Variants in EPHX1 observed in about 807,000 individuals in gnomAD.
EPHX1 encodes the protein epoxide hydrolase 1.
A neutral mutation model predicts 43.2 loss-of-function variants in EPHX1; 40 were observed. The observed-to-expected ratio is 0.93, with a 90% confidence interval of 0.72 to 1.21. The LOEUF (loss-of-function observed/expected upper bound fraction) is 1.21, where lower values mean the gene tolerates loss of function less well. Among genes scored for constraint, EPHX1 ranks in the 50% most tolerant of loss-of-function variants. The probability of loss-of-function intolerance (pLI) is 0.00; values close to 1 mark genes in which losing one functional copy is unlikely to be tolerated. For synonymous variants in EPHX1, 221 were observed against 226.7 expected, an observed-to-expected ratio of 0.98 and a Z score of 0.22; for missense variants, 550 against 570.4, an observed-to-expected ratio of 0.96 and a Z score of 0.36.
rs80119745 is a variant in EPHX1, at chr1:225,838,651, C to A, written c.365-3C>A. 1,007 of 1,613,460 alleles carry A rather than the reference C, an allele frequency of 6.2e-4. 2 individuals are homozygous for A. In the African/African-American group the frequency reaches 0.012, roughly 20 times the overall value. ...CCACCCTGACTGTGCTCTGTCCCCC[C>A]AGGGCTGGACATCCACTTCATCCAC... On this transcript the variant is annotated splice_region_variant and splice_polypyrimidine_tract_variant and intron_variant, in intron 3 of 8. Coordinates refer to ENST00000272167, the MANE Select transcript of EPHX1 (RefSeq NM_001136018.4).
At chr1:225,840,064 A>G (rs1357677048) in intron 6 of EPHX1, 27 bp downstream of exon 6, 2 of 1,611,694 alleles carry the variant, frequency 1.2e-6, no homozygotes, top group Admixed American at 1.7e-5. Flanking sequence ...GTCCTCGCCC[A>G]CTGCCGGCTC....
chr1:225,839,005 G>A, intron 4 of EPHX1, 124 bp downstream of exon 4: 1 of 1,352,848 alleles, frequency 7.4e-7, no homozygotes, highest in Admixed American at 1.9e-5. Flanking sequence ...GGGAAAGGAG[G>A]GGCCTGAGAG....
chr1:225,833,534 G>T (rs919614668), intron 3 of EPHX1, among the ~76,000 whole-genome samples: 1 of 152,098 alleles, frequency 6.6e-6, no homozygotes, highest in East Asian at 1.9e-4. Flanking sequence ...GGTGGCGCAC[G>T]CCTGTAATCC....
At chr1:225,822,135 A>G (rs868603778) in intron 1 of EPHX1, among the ~76,000 whole-genome samples, 1 of 152,192 alleles carries the variant, frequency 6.6e-6, no homozygotes, top group Non-Finnish European at 1.5e-5. Flanking sequence ...ATTAAAATGT[A>G]TGCAATCCCA....
At position 225,821,466 on chromosome 1, in the gene EPHX1, G is replaced by A. The variant is rs893821747; in HGVS notation, c.-5-7259G>A. Among the ~76,000 whole-genome samples, 10 of 151,074 alleles carry A rather than the reference G, an allele frequency of 6.6e-5. No individual in the cohort carries two copies. The East Asian group carries it at 1.4e-3, about 21-fold the overall frequency. ...TCACCATGTTGGCCAGGCTGGTCACGAACTCCTGACCTAAAGTGATCTGCT... is the reference window on the plus strand; with the variant it reads ...TCACCATGTTGGCCAGGCTGGTCACAAACTCCTGACCTAAAGTGATCTGCT... On this transcript the variant is annotated intron_variant, in intron 1 of 8. Coordinates refer to ENST00000272167, the MANE Select transcript of EPHX1 (RefSeq NM_001136018.4).
chr1:225,833,812 A>AAC (rs1667767318), intron 3 of EPHX1, among the ~76,000 whole-genome samples: 2 of 127,224 alleles, frequency 1.6e-5, no homozygotes, highest in Non-Finnish European at 3.3e-5. Flanking sequence ...AAAAAAAAAA[A>AAC]ACAGGCTGGG....
intron 1 of EPHX1, chr1:225,825,463 T>C (rs1230816024): frequency 1.3e-5 from 2 of 152,202 alleles, no homozygotes; most frequent in African/African-American, 4.8e-5. Context: ...CACTGGGATC[T>C]TTCTGCCCAG....
At chr1:225,836,658 G>GA (rs1667984062) in intron 3 of EPHX1, among the ~76,000 whole-genome samples, 1 of 152,156 alleles carries the variant, frequency 6.6e-6, no homozygotes, top group Non-Finnish European at 1.5e-5. Flanking sequence ...TAAACTCTGA[G>GA]GAAATAATGC....
chr1:225,812,662 C>G (rs1187620325), intron 1 of EPHX1, among the ~76,000 whole-genome samples: 1 of 152,226 alleles, frequency 6.6e-6, no homozygotes, highest in Non-Finnish European at 1.5e-5. Flanking sequence ...CAGGCCCAGA[C>G]ATGTGAAAGC....
Position 225,838,665 on chromosome 1 carries a change from C to T in EPHX1, c.376C>T (p.His126Tyr), listed in dbSNP as rs1359501001. 6.2e-7 allele frequency: 1 copy of T among 1,613,852 alleles called. No individual in the cohort carries two copies. Among genetic ancestry groups the T allele is most frequent in the East Asian group, 2.2e-5 (1 of 44,884 alleles). ...FKTKIEGLDI[H>Y]FIHVKPPQLP... ...CTCTGTCCCCCCAGGGCTGGACATC[C>T]ACTTCATCCACGTGAAGCCCCCCCA... The change falls in exon 4 of 9, where the codon CAC becomes TAC. Residue 126 changes from histidine to tyrosine, a missense_variant. Physicochemically the swap from His to Tyr is moderately conservative, Grantham distance 83 (BLOSUM62 2). Coordinates refer to ENST00000272167, the MANE Select transcript of EPHX1 (RefSeq NM_001136018.4).
chr1:225,839,393 G>GTGTGTGTA, intron 5 of EPHX1, 47 bp downstream of exon 5: 1 of 1,607,778 alleles, frequency 6.2e-7, no homozygotes, highest in Non-Finnish European at 8.5e-7. Flanking sequence ...GTGTGTGTGT[G>GTGTGTGTA]TGTGTGTGTC....
chr1:225,831,535 AGAC>A (rs1281920045), intron 2 of EPHX1, among the ~76,000 whole-genome samples: 1 of 145,942 alleles, frequency 6.9e-6, no homozygotes, highest in Non-Finnish European at 1.5e-5. Flanking sequence ...CAACAGAGTG[AGAC>A]CCTATCTCAA....
intron 1 of EPHX1, among the ~76,000 whole-genome samples, chr1:225,820,838 G>A (rs573100761): frequency 1.3e-5 from 2 of 152,092 alleles, no homozygotes; most frequent in East Asian, 1.9e-4. Flanking sequence ...TCTATAACTG[G>A]AAGGGTGTTT....
chr1:225,838,555 G>C, intron 3 of EPHX1, 99 bp from the exon 4 acceptor site: 1 of 1,026,176 alleles, frequency 9.7e-7, no homozygotes, highest in Non-Finnish European at 1.5e-6. Flanking sequence ...GGGGCACTAA[G>C]GGTGGCAGGA....
chr1:225,826,070 G>A (rs536729667), intron 1 of EPHX1, among the ~76,000 whole-genome samples: 2 of 152,268 alleles, frequency 1.3e-5, no homozygotes, highest in African/African-American at 4.8e-5. Context: ...GGTATTCCCT[G>A]CCTTGTTTTT....
chr1:225,832,064 A>T (rs1262218896), intron 3 of EPHX1, 105 bp downstream of exon 3: 3 of 1,248,912 alleles, frequency 2.4e-6, no homozygotes, highest in Admixed American at 1.9e-5. Context: ...TCAGAACCCA[A>T]TTATAGGTGA....
At position 225,840,000 on chromosome 1, in the gene EPHX1, C is replaced by T. The variant is rs1309826848; in HGVS notation, c.894C>T (p.Gly298=). 1.2e-6 allele frequency: 2 copies of T among 1,614,176 alleles called. No homozygotes were observed. Among genetic ancestry groups the T allele is most frequent in the Non-Finnish European group, 1.7e-6 (2 of 1,180,028 alleles). ...KVFYSLMRES[G]YMHIQCTKPD... is the part of the protein sequence containing the mutation. ...TCTACAGCCTGATGAGGGAGAGCGG[C>T]TACATGCACATCCAGTGCACCAAGC... The change falls in exon 6 of 9, where the codon GGC becomes GGT. Residue 298 remains glycine (G), a synonymous_variant. Transcript: ENST00000272167.
chr1:225,818,745 G>C (rs1403218613), intron 1 of EPHX1, among the ~76,000 whole-genome samples: 1 of 151,948 alleles, frequency 6.6e-6, no homozygotes, highest in African/African-American at 2.4e-5. Context: ...AAGGACAATG[G>C]GAAGCTCTTT....
chr1:225,839,116 T>TG (rs1668152574), intron 4 of EPHX1, 101 bp from the exon 5 acceptor site: 1 of 1,582,192 alleles, frequency 6.3e-7, no homozygotes, highest in Non-Finnish European at 8.6e-7. Flanking sequence ...GACCTCCACC[T>TG]GGGGGTAGGC....
Sources: gnomAD v4.1 joint callset for allele counts (sites outside exome capture counted in the v4.1 genomes callset) on GRCh38, gnomAD v4.1.1 for gene constraint, MANE v1.5 for transcripts, NCBI Gene and HGNC (gene_info 2026-07-23, HGNC 2026-07-21) for gene names.